JCHAIN: variants seen among roughly 807,000 people sequenced by gnomAD.
JCHAIN encodes immunoglobulin J chain.
JCHAIN carries 5 observed loss-of-function variants against 11.1 expected under a neutral mutation model. The ratio of observed to expected loss-of-function variants is 0.45; its 90% CI spans 0.24 to 0.95. The LOEUF is 0.95. Ranked by LOEUF, JCHAIN falls within the 40% of genes least tolerant of loss-of-function variation. JCHAIN has a pLI of 0.21. For synonymous variants in JCHAIN, 51 were observed against 67.8 expected, an observed-to-expected ratio of 0.75 and a Z score of 1.22; for missense variants, 165 against 192.7, an observed-to-expected ratio of 0.86 and a Z score of 0.85.
chr4:70,659,796 G>T (rs1394353016), intron 2 of JCHAIN, among the ~76,000 whole-genome samples: 2 of 151,942 alleles, frequency 1.3e-5, no homozygotes, highest in African/African-American at 4.8e-5. Flanking sequence ...GAACCCAGGA[G>T]GCAGAGGTTG....
At position 70,662,553 on chromosome 4, in the gene JCHAIN, C is replaced by T. The variant is rs531933749; in HGVS notation, c.65-338G>A. Among the ~76,000 whole-genome samples the T allele has an allele frequency of 2.0e-5, 3 of 152,166 alleles. No homozygotes were observed. In the South Asian group the frequency reaches 6.2e-4, roughly 32 times the overall value. On this transcript the variant is annotated intron_variant, in intron 1 of 3. Transcript: ENST00000254801. ...ACAGGCATGTTTTCATCCAAGATAA[C>T]CTTATTTTGTAAGACTTTTAAATAT...
At position 70,666,472 on chromosome 4, in the gene JCHAIN, A is replaced by G. The variant is rs1267751840; in HGVS notation, c.19T>C (p.Phe7Leu). MKNHLL[F>L]WGVLAVFIKA... ...ATAAAAACCGCCAGGACTCCCCAGAAAAGCAAATGGTTCTTCATCTTGACT... is the reference window on the plus strand; with the variant it reads ...ATAAAAACCGCCAGGACTCCCCAGAGAAGCAAATGGTTCTTCATCTTGACT... Residue 7 changes from phenylalanine (F) to leucine (L), a missense_variant, in exon 1 of 4, where the codon TTC becomes CTC. By Grantham distance (22) the Phe-to-Leu change is conservative. Transcript: ENST00000254801. 1 of 1,613,256 alleles carries G rather than the reference A, an allele frequency of 6.2e-7. No individual in the cohort carries two copies. The highest frequency in any genetic ancestry group is 1.7e-4 in the Middle Eastern group (1 of 6,058).
intron 1 of JCHAIN, among the ~76,000 whole-genome samples, chr4:70,664,368 TA>T (rs1007970017): frequency 6.6e-6 from 1 of 152,094 alleles, no homozygotes; most frequent in Admixed American, 6.5e-5. Flanking sequence ...ATTCAAGTTA[TA>T]AAGTTTAAAT....
chr4:70,656,676 G>C, intron 3 of JCHAIN, 137 bp from the exon 4 acceptor site: 1 of 650,770 alleles, frequency 1.5e-6, no homozygotes, highest in Non-Finnish European at 2.8e-6. Context: ...GACATAAGCA[G>C]CTCTACAATA....
chr4:70,664,561 A>G (rs992252458), intron 1 of JCHAIN, among the ~76,000 whole-genome samples: 3 of 152,240 alleles, frequency 2.0e-5, no homozygotes, highest in African/African-American at 7.2e-5. Flanking sequence ...ACCATTATTC[A>G]TAAGTTCCTA....
rs1738937127 is a variant in JCHAIN at position 70,655,804 on chromosome 4, A to G, written c.*525T>C. The G allele has an allele frequency of 6.6e-6, 1 of 152,278 alleles. No individual in the cohort carries two copies. The highest frequency in any genetic ancestry group is 2.4e-5 in the African/African-American group (1 of 41,570). The allele number at this position is 152,278 out of a possible 1,614,324, so 9.4% of individuals were successfully genotyped here. On this transcript the variant is annotated 3_prime_UTR_variant, in exon 4 of 4. Coordinates refer to ENST00000254801, the MANE Select transcript of JCHAIN (RefSeq NM_144646.4). ...TTATTTTTGTAACTAGTTCTAGAAC[A>G]TGTTTTCCAATTATTATTTTTCTAA...
chr4:70,656,131 T>C lies in JCHAIN; in HGVS notation c.*198A>G. 1.8e-6 allele frequency: 1 copy of C among 562,006 alleles called. No homozygotes were observed. Among genetic ancestry groups the C allele is most frequent in the East Asian group, 2.9e-5 (1 of 34,632 alleles). 34.8% of individuals were successfully genotyped at this position (562,006 alleles called of 1,614,324 possible). ...TTTTGATACTTAGAGTATGAACATA[T>C]AATTAAGAAGTGATTACCTAATAAA... On this transcript the variant is annotated 3_prime_UTR_variant, in exon 4 of 4. Transcript: ENST00000254801.
At chr4:70,665,726 A>G (rs766552977) in intron 1 of JCHAIN, 1 of 153,438 alleles carries the variant, frequency 6.5e-6, no homozygotes, top group Non-Finnish European at 1.5e-5. Context: ...AGTATAAAAT[A>G]TATATATAAG....
chr4:70,661,144 A>G (rs951187413), intron 2 of JCHAIN, among the ~76,000 whole-genome samples: 14 of 152,198 alleles, frequency 9.2e-5, no homozygotes, highest in Non-Finnish European at 1.9e-4. Context: ...TTTCTATAGG[A>G]GATTTGATTG....
chr4:70,661,766 G>T (rs1398127907), intron 2 of JCHAIN, among the ~76,000 whole-genome samples: 1 of 152,144 alleles, frequency 6.6e-6, no homozygotes, highest in Non-Finnish European at 1.5e-5. Context: ...GTGACAGAGT[G>T]AGACCCTGTC....
At chr4:70,664,742 G>A in intron 1 of JCHAIN, among the ~76,000 whole-genome samples, 1 of 152,120 alleles carries the variant, frequency 6.6e-6, no homozygotes, top group East Asian at 1.9e-4. Context: ...ATATAAATGA[G>A]CACATAATGC....
intron 2 of JCHAIN, among the ~76,000 whole-genome samples, chr4:70,658,964 C>A (rs1261354783): frequency 6.6e-6 from 1 of 152,182 alleles, no homozygotes; most frequent in Non-Finnish European, 1.5e-5. Flanking sequence ...ATCCCCACCA[C>A]CAACCCTTAA....
chr4:70,665,338 C>T (rs1739131626), intron 1 of JCHAIN, among the ~76,000 whole-genome samples: 1 of 152,026 alleles, frequency 6.6e-6, no homozygotes, highest in Non-Finnish European at 1.5e-5. Context: ...CATATGGTTA[C>T]TGAGAGAATT....
In JCHAIN at chr4:70,657,267, A is replaced by G; in HGVS notation, c.213T>C (p.Asn71=). 8.7e-6 allele frequency: 14 copies of G among 1,601,816 alleles called. No homozygotes were observed. The highest frequency in any genetic ancestry group is 1.2e-5 in the Non-Finnish European group (14 of 1,169,302). ...TCAATGGTGAGGTGGGATCAGAGAT[A>G]TTCTCCCTGTTGTTCAGAGGAACAC... ...RIIVPLNNRE[N]ISDPTSPLRT... Residue 71 remains asparagine, a synonymous_variant, in exon 3 of 4, where the codon AAT becomes AAC. Coordinates refer to ENST00000254801, the MANE Select transcript of JCHAIN (RefSeq NM_144646.4).
chr4:70,660,191 C>T (rs16845340), intron 2 of JCHAIN, among the ~76,000 whole-genome samples: 3,401 of 152,128 alleles, frequency 0.022, 112 homozygotes, highest in African/African-American at 0.072. Context: ...TAACACGAAG[C>T]TATGTGGGCA....
intron 1 of JCHAIN, among the ~76,000 whole-genome samples, chr4:70,665,174 G>C (rs1739127830): frequency 6.6e-6 from 1 of 152,148 alleles, no homozygotes; most frequent in African/African-American, 2.4e-5. Flanking sequence ...CCTTACACAA[G>C]GCAGAATAGG....
rs149129612 is a variant in JCHAIN, at chr4:70,657,459, T to C, written c.189-168A>G. On this transcript the variant is annotated intron_variant, in intron 2 of 3. Coordinates refer to ENST00000254801, the MANE Select transcript of JCHAIN (RefSeq NM_144646.4). The stretch of plus-strand genomic sequence containing the variant: ...CTCAGATTTTTATAGTAACTTGCTA[T>C]ATTTTAAATATTTCTCATTCAAAAT... Among the ~76,000 whole-genome samples the C allele has an allele frequency of 2.3e-3, 355 of 152,346 alleles. 2 individuals are homozygous for C. Among genetic ancestry groups the C allele is most frequent in the African/African-American group, 8.1e-3 (338 of 41,582 alleles).
intron 2 of JCHAIN, among the ~76,000 whole-genome samples, chr4:70,660,599 G>T (rs569243078): frequency 6.6e-6 from 1 of 152,126 alleles, no homozygotes; most frequent in East Asian, 1.9e-4. Context: ...GGCCAGGCTC[G>T]TCTCAAACTC....
chr4:70,656,641 T>G, intron 3 of JCHAIN, 102 bp from the exon 4 acceptor site: 1 of 799,232 alleles, frequency 1.3e-6, no homozygotes, highest in Non-Finnish European at 2.1e-6. Context: ...AGCTCTGACA[T>G]GACAGCAAGG....
Sources: gnomAD v4.1 joint callset for allele counts (sites outside exome capture counted in the v4.1 genomes callset) on GRCh38, gnomAD v4.1.1 for gene constraint, MANE v1.5 for transcripts, NCBI Gene and HGNC (gene_info 2026-07-23, HGNC 2026-07-21) for gene names.